RNASEH2B: variants seen among roughly 807,000 people sequenced by gnomAD.
RNASEH2B encodes the protein Aicardi-Goutieres syndrome 2 protein.
In RNASEH2B, 36 loss-of-function variants were observed where a neutral mutation model predicts 45.0. That is an observed-to-expected ratio of 0.80 (90% CI 0.61 to 1.06). The LOEUF is 1.06. Ranked by LOEUF, RNASEH2B falls within the 50% of genes least tolerant of loss-of-function variation. RNASEH2B has a pLI of 0.00. For missense variants in RNASEH2B, 361 were observed against 360.3 expected, an observed-to-expected ratio of 1.00 and a Z score of -0.02; for synonymous variants, 119 against 125.7, an observed-to-expected ratio of 0.95 and a Z score of 0.35.
intron 1 of RNASEH2B, 23 bp downstream of exon 1, chr13:50,910,163 CG>C: frequency 7.3e-7 from 1 of 1,365,528 alleles, no homozygotes. Context: ...GCCCGGGCGG[CG>C]GGGTCGGCCC....
chr13:50,913,499 A>AG (rs1203381746), intron 1 of RNASEH2B, among the ~76,000 whole-genome samples: 7 of 151,724 alleles, frequency 4.6e-5, no homozygotes, highest in Non-Finnish European at 2.9e-5. Flanking sequence ...AAAAAAAAAA[A>AG]AAGAAGAAAA....
chr13:50,926,002 G>A (rs542902388), intron 1 of RNASEH2B, among the ~76,000 whole-genome samples: 1 of 152,236 alleles, frequency 6.6e-6, no homozygotes, highest in East Asian at 1.9e-4. Flanking sequence ...CCATCTCTCA[G>A]GGACTACGGT....
At chr13:50,950,068 T>A (rs1190494957) in intron 9 of RNASEH2B, 1 of 153,118 alleles carries the variant, frequency 6.5e-6, no homozygotes, top group Non-Finnish European at 1.5e-5. Flanking sequence ...GTTTATCTCC[T>A]AGATCCAGAG....
chr13:50,923,130 G>A (rs573115947), intron 1 of RNASEH2B, among the ~76,000 whole-genome samples: 84 of 152,212 alleles, frequency 5.5e-4, no homozygotes, highest in Non-Finnish European at 1.0e-3. Flanking sequence ...CCAGGGTGAG[G>A]AACATAAAGA....
chr13:50,952,073 C>G (rs987870731), intron 9 of RNASEH2B: 2 of 152,126 alleles, frequency 1.3e-5, no homozygotes, highest in African/African-American at 4.8e-5. Context: ...GGCAGAAGGT[C>G]GCTTGAGCCC....
At chr13:50,967,973 T>C (rs1361573313) in intron 9 of RNASEH2B, among the ~76,000 whole-genome samples, 1 of 152,208 alleles carries the variant, frequency 6.6e-6, no homozygotes. Context: ...TCAGAAGATA[T>C]GATTTGATTT....
At chr13:50,928,841 G>A (rs183782591) in intron 2 of RNASEH2B, among the ~76,000 whole-genome samples, 2 of 150,348 alleles carry the variant, frequency 1.3e-5, no homozygotes, top group African/African-American at 4.9e-5. Context: ...TCCAGAGATT[G>A]TGCTGTGGTT....
At chr13:50,926,183 C>A (rs1268918048) in intron 1 of RNASEH2B, among the ~76,000 whole-genome samples, 1 of 151,780 alleles carries the variant, frequency 6.6e-6, no homozygotes, top group Non-Finnish European at 1.5e-5. Context: ...TACTTAATGT[C>A]ACTATTAGTT....
At position 50,910,128 on chromosome 13, in the gene RNASEH2B, T is replaced by A. The variant is rs758877268; in HGVS notation, c.52T>A (p.Phe18Ile). ...GDGVGARQHVFLVSEYLKDAS... is the reference protein window; with the variant it reads ...GDGVGARQHVILVSEYLKDAS... Reference sequence around the variant, plus strand: ...CGGGGTTGGCGCCCGGCAGCACGTGTTCCTGGTTTCAGGTAAACACGCGCG... The same window carrying A: ...CGGGGTTGGCGCCCGGCAGCACGTGATCCTGGTTTCAGGTAAACACGCGCG... The change falls in exon 1 of 11, where the codon TTC becomes ATC. Residue 18 changes from phenylalanine to isoleucine, a missense_variant. Transcript: ENST00000336617. The A allele has an allele frequency of 1.0e-5, 15 of 1,456,944 alleles. No individual in the cohort carries two copies. Among genetic ancestry groups the A allele is most frequent in the South Asian group, 2.7e-5 (2 of 73,232 alleles). 90.3% of individuals were successfully genotyped at this position (1,456,944 alleles called of 1,614,324 possible).
chr13:50,943,481 G>T, intron 6 of RNASEH2B, 87 bp downstream of exon 6: 1 of 917,128 alleles, frequency 1.1e-6, no homozygotes, highest in East Asian at 2.4e-5. Flanking sequence ...TCTGAATCCA[G>T]AGACCATCTT....
chr13:50,918,571 A>G (rs903447583), intron 1 of RNASEH2B, among the ~76,000 whole-genome samples: 1 of 152,230 alleles, frequency 6.6e-6, no homozygotes, highest in Non-Finnish European at 1.5e-5. Flanking sequence ...GTCTTTGAAG[A>G]AACAAAGAGC....
intron 9 of RNASEH2B, among the ~76,000 whole-genome samples, chr13:50,964,011 A>G (rs1952139945): frequency 6.6e-6 from 1 of 152,228 alleles, no homozygotes; most frequent in African/African-American, 2.4e-5. Context: ...AAGCCTGACC[A>G]ACATGGAGAA....
At chr13:50,941,589 T>C (rs1380419354) in intron 5 of RNASEH2B, 1 of 152,186 alleles carries the variant, frequency 6.6e-6, no homozygotes, top group African/African-American at 2.4e-5. Flanking sequence ...TTTTTTTTCC[T>C]CAGGCAATGA....
intron 9 of RNASEH2B, among the ~76,000 whole-genome samples, chr13:50,949,827 A>G (rs1402693312): frequency 6.6e-6 from 1 of 152,218 alleles, no homozygotes; most frequent in African/African-American, 2.4e-5. Context: ...TTTAGTAATC[A>G]CTAAGCATAC....
intron 1 of RNASEH2B, among the ~76,000 whole-genome samples, chr13:50,915,677 G>C (rs1340960363): frequency 6.6e-6 from 1 of 152,224 alleles, no homozygotes; most frequent in Admixed American, 6.5e-5. Flanking sequence ...AAACAGTAGA[G>C]CATGTCACGT....
chr13:50,935,049 C>T lies in RNASEH2B; in HGVS notation c.436+50C>T, dbSNP rs571873512. The T allele has an allele frequency of 7.6e-5, 92 of 1,214,890 alleles. 2 individuals are homozygous for T. The South Asian group carries it at 1.1e-3, about 14-fold the overall frequency. 75.3% of individuals were successfully genotyped at this position (1,214,890 alleles called of 1,614,324 possible). A position where few individuals can be genotyped will look rare whatever the true frequency, so the allele number is the denominator to read the frequency against. ...GGCTGGTAGAAAGGATGGACCTTGC[C>T]TAAGAACGTGGCTGCTTACAGACAC... On this transcript the variant is annotated intron_variant, in intron 5 of 10. Coordinates refer to ENST00000336617, the MANE Select transcript of RNASEH2B (RefSeq NM_024570.4).
At chr13:50,918,446 T>A (rs779182884) in intron 1 of RNASEH2B, among the ~76,000 whole-genome samples, 41 of 152,354 alleles carry the variant, frequency 2.7e-4, no homozygotes, top group Non-Finnish European at 5.1e-4. Flanking sequence ...CTCTAATTTT[T>A]ATTTTTTTCT....
intron 9 of RNASEH2B, chr13:50,951,872 A>G (rs1472416223): frequency 3.3e-5 from 5 of 152,178 alleles, no homozygotes; most frequent in Non-Finnish European, 7.3e-5. Flanking sequence ...TGTAACTGGT[A>G]TCTTGTTTTG....
chr13:50,970,421 A>C (rs1003005816), exon 10 of RNASEH2B: 1 of 271,366 alleles, frequency 3.7e-6, no homozygotes, highest in African/African-American at 2.2e-5. Flanking sequence ...TTGGCATTTT[A>C]TCTCTCCAGG....
Sources: allele counts gnomAD v4.1 joint callset (sites outside exome capture counted in the v4.1 genomes callset), GRCh38; gene constraint gnomAD v4.1.1; transcripts MANE v1.5; gene names NCBI Gene and HGNC (gene_info 2026-07-23, HGNC 2026-07-21).